The following BLK variants were observed in gnomAD, a reference collection of about 807,000 sequenced individuals.
BLK encodes the protein BLK proto-oncogene, Src family tyrosine kinase.
A neutral mutation model predicts 61.8 loss-of-function variants in BLK; 64 were observed. That is an observed-to-expected ratio of 1.03 (90% confidence interval 0.85 to 1.27). The LOEUF (loss-of-function observed/expected upper bound fraction) is 1.27. BLK is among the 50% of genes most tolerant of loss of function. BLK has a pLI of 0.00. For missense variants in BLK, 853 were observed against 660.5 expected, an observed-to-expected ratio of 1.29 and a Z score of -3.19; for synonymous variants, 351 against 272.0, an observed-to-expected ratio of 1.29 and a Z score of -2.86.
intron 1 of BLK, among the ~76,000 whole-genome samples, chr8:11,499,668 C>T (rs1798483899): frequency 6.6e-6 from 1 of 152,234 alleles, no homozygotes; most frequent in Non-Finnish European, 1.5e-5. Flanking sequence ...GACTCTCAGA[C>T]TCCAGATCCA....
chr8:11,495,856 G>A (rs962925497), intron 1 of BLK, among the ~76,000 whole-genome samples: 5 of 152,292 alleles, frequency 3.3e-5, no homozygotes, highest in East Asian at 1.9e-4. Flanking sequence ...CCATGGTTAC[G>A]TAAGGTGTTC....
intron 1 of BLK, among the ~76,000 whole-genome samples, chr8:11,521,472 G>A (rs546574330): frequency 3.2e-4 from 48 of 152,208 alleles, no homozygotes; most frequent in Middle Eastern, 3.4e-3. Flanking sequence ...TCTAATTTTT[G>A]TAGAGGTGAG....
Position 11,564,120 on chromosome 8 carries a change from C to T in BLK, c.*12C>T. ...AGCTGCAGCCCTAGCCGGCCGCGCC[C>T]GCCTGCGCCCCGTGCCCACCTCTGC... On this transcript the variant is annotated 3_prime_UTR_variant, in exon 13 of 13. Coordinates refer to ENST00000259089, the MANE Select transcript of BLK (RefSeq NM_001715.3). 1.3e-6 allele frequency: 2 copies of T among 1,547,376 alleles called. No homozygotes were observed. The highest frequency in any genetic ancestry group is 1.2e-5 in the South Asian group (1 of 85,066).
chr8:11,504,099 G>A (rs796115907), intron 1 of BLK, among the ~76,000 whole-genome samples: 48 of 152,248 alleles, frequency 3.2e-4, no homozygotes, highest in African/African-American at 1.0e-3. Flanking sequence ...CGAGGCAGGC[G>A]GATCACTTGA....
At position 11,519,632 on chromosome 8, in the gene BLK, CT is replaced by C. The variant is rs575721293; in HGVS notation, c.-1-23589del. 2.8e-3 allele frequency among the ~76,000 whole-genome samples: 427 copies of C among 152,284 alleles called. 1 individual carries two copies. Among genetic ancestry groups the C allele is most frequent in the Non-Finnish European group, 3.9e-3 (268 of 68,034 alleles). ...CTTGTGCCAGTCACCACATCGAGAACTTTATTTACATTTTCTAATTCTCTGA... is the reference window on the plus strand; with the variant it reads ...CTTGTGCCAGTCACCACATCGAGAACTTATTTACATTTTCTAATTCTCTGA... On this transcript the variant is annotated intron_variant, in intron 1 of 12. Transcript: ENST00000259089.
intron 1 of BLK, among the ~76,000 whole-genome samples, chr8:11,500,749 G>T (rs1798526768): frequency 6.6e-6 from 1 of 152,072 alleles, no homozygotes; most frequent in African/African-American, 2.4e-5. Flanking sequence ...CTGAGCTCAA[G>T]CAATCTGCCT....
chr8:11,519,889 T>A (rs1292980254), intron 1 of BLK, among the ~76,000 whole-genome samples: 2 of 152,198 alleles, frequency 1.3e-5, no homozygotes, highest in Non-Finnish European at 2.9e-5. Context: ...TCAGAAAGAC[T>A]AAGAAGAAAT....
chr8:11,522,919 G>A (rs978552412), intron 1 of BLK, among the ~76,000 whole-genome samples: 2 of 152,150 alleles, frequency 1.3e-5, no homozygotes, highest in Admixed American at 6.6e-5. Context: ...TGGAGAGAAA[G>A]AGAGGAGAAA....
intron 1 of BLK, among the ~76,000 whole-genome samples, chr8:11,510,770 A>C (rs1192222727): frequency 7.0e-6 from 1 of 143,176 alleles, no homozygotes; most frequent in Non-Finnish European, 1.5e-5. Flanking sequence ...CAGAGACTCC[A>C]TCTCAAATAA....
chr8:11,538,768 G>C (rs928791312), intron 1 of BLK, among the ~76,000 whole-genome samples: 1 of 152,182 alleles, frequency 6.6e-6, no homozygotes, highest in Non-Finnish European at 1.5e-5. Flanking sequence ...GGCTGAGAGA[G>C]GCCACGAAAG....
chr8:11,521,965 C>T (rs2117335406), intron 1 of BLK, among the ~76,000 whole-genome samples: 1 of 152,264 alleles, frequency 6.6e-6, no homozygotes, highest in Non-Finnish European at 1.5e-5. Flanking sequence ...CAAAAACACC[C>T]TTTGGAATAT....
intron 1 of BLK, among the ~76,000 whole-genome samples, chr8:11,510,766 C>A (rs1227124890): frequency 1.4e-5 from 2 of 147,852 alleles, no homozygotes; most frequent in African/African-American, 5.0e-5. Context: ...ATGACAGAGA[C>A]TCCATCTCAA....
At chr8:11,552,934 GCA>G (rs1800978975) in intron 6 of BLK, 1 of 152,964 alleles carries the variant, frequency 6.5e-6, no homozygotes, top group African/African-American at 2.4e-5. Context: ...ATGCACAAAT[GCA>G]CACATATACA....
intron 6 of BLK, chr8:11,553,315 A>G (rs890538077): frequency 1.5e-5 from 6 of 390,216 alleles, no homozygotes; most frequent in African/African-American, 1.3e-4. Flanking sequence ...TTCAGTGCTG[A>G]GAAATCTTCA....
intron 1 of BLK, among the ~76,000 whole-genome samples, chr8:11,514,623 A>G (rs1015676606): frequency 1.3e-5 from 2 of 152,138 alleles, no homozygotes; most frequent in Non-Finnish European, 2.9e-5. Context: ...CCATCCACCC[A>G]GCCCCTGTGA....
chr8:11,517,706 C>T (rs780549074), intron 1 of BLK, among the ~76,000 whole-genome samples: 3 of 152,154 alleles, frequency 2.0e-5, no homozygotes, highest in Non-Finnish European at 2.9e-5. Context: ...TCCCGAAGAC[C>T]CTCTTGCGTT....
At chr8:11,532,621 A>T (rs1448077306) in intron 1 of BLK, among the ~76,000 whole-genome samples, 1 of 151,978 alleles carries the variant, frequency 6.6e-6, no homozygotes, top group Non-Finnish European at 1.5e-5. Context: ...TTTCAGTTAT[A>T]TATTTGAACC....
At chr8:11,518,980 T>G (rs1465743940) in intron 1 of BLK, among the ~76,000 whole-genome samples, 1 of 152,172 alleles carries the variant, frequency 6.6e-6, no homozygotes, top group Non-Finnish European at 1.5e-5. Flanking sequence ...CCTGGGCCTG[T>G]GCGATGATTC....
intron 3 of BLK, 105 bp from the exon 4 acceptor site, chr8:11,547,927 C>A: frequency 3.0e-6 from 3 of 989,610 alleles, no homozygotes; most frequent in Non-Finnish European, 4.8e-6. Context: ...TCATTTCCAT[C>A]GTGGGCAAGC....
Sources: gnomAD v4.1 joint callset for allele counts (sites outside exome capture counted in the v4.1 genomes callset) on GRCh38, gnomAD v4.1.1 for gene constraint, MANE v1.5 for transcripts, NCBI Gene and HGNC (gene_info 2026-07-23, HGNC 2026-07-21) for gene names.